Variants in ADAMTS19 observed in about 807,000 individuals in gnomAD.
ADAMTS19 encodes ADAM metallopeptidase with thrombospondin type 1 motif 19.
ADAMTS19 carries 93 observed loss-of-function variants against 153.3 expected under a neutral mutation model. The ratio of observed to expected loss-of-function variants is 0.61; its 90% CI spans 0.51 to 0.72. The LOEUF (loss-of-function observed/expected upper bound fraction) is 0.72. ADAMTS19 is among the 30% of genes least tolerant of loss of function. The pLI is 0.00. For missense variants in ADAMTS19, 1,482 were observed against 1,552.1 expected (o/e 0.95, Z 0.76); for synonymous variants, 600 against 556.6 (o/e 1.08, Z -1.10).
At chr5:129,551,005 T>A (rs143821812) in intron 6 of ADAMTS19, among the ~76,000 whole-genome samples, 155 of 151,836 alleles carry the variant, frequency 1.0e-3, no homozygotes, top group African/African-American at 3.6e-3. Context: ...TTAATTCATG[T>A]CCCTTGCACA....
chr5:129,569,854 T>C (rs1561576527), intron 7 of ADAMTS19, among the ~76,000 whole-genome samples: 1 of 151,906 alleles, frequency 6.6e-6, no homozygotes, highest in Non-Finnish European at 1.5e-5. Flanking sequence ...AATGTTCTTA[T>C]TATAAAAAAG....
chr5:129,609,374 A>T (rs1751086951), intron 8 of ADAMTS19, among the ~76,000 whole-genome samples: 3 of 152,244 alleles, frequency 2.0e-5, no homozygotes, highest in Admixed American at 2.0e-4. Flanking sequence ...TGGCACAATG[A>T]TTGGCACAAA....
chr5:129,464,234 G>T (rs538038048), intron 2 of ADAMTS19, among the ~76,000 whole-genome samples: 1 of 152,310 alleles, frequency 6.6e-6, no homozygotes, highest in Non-Finnish European at 1.5e-5. Flanking sequence ...CAAAAGCCTT[G>T]TCTGCAAGAA....
chr5:129,493,938 A>T (rs1415393655), intron 2 of ADAMTS19, among the ~76,000 whole-genome samples: 1 of 151,038 alleles, frequency 6.6e-6, no homozygotes, highest in African/African-American at 2.4e-5. Flanking sequence ...TAAGAATCAC[A>T]CCCTAGTTAC....
At chr5:129,558,596 A>T (rs1561570573) in intron 7 of ADAMTS19, among the ~76,000 whole-genome samples, 2 of 152,114 alleles carry the variant, frequency 1.3e-5, no homozygotes, top group Non-Finnish European at 2.9e-5. Context: ...TATTAATACA[A>T]TGCATTCCAT....
chr5:129,733,289 A>T (rs932778059), intron 21 of ADAMTS19, among the ~76,000 whole-genome samples: 1 of 152,088 alleles, frequency 6.6e-6, no homozygotes, highest in African/African-American at 2.4e-5. Flanking sequence ...ATGCAACAAA[A>T]ACAAAAAGGC....
chr5:129,479,330 T>G (rs148380627), intron 2 of ADAMTS19, among the ~76,000 whole-genome samples: 1 of 152,326 alleles, frequency 6.6e-6, no homozygotes, highest in African/African-American at 2.4e-5. Flanking sequence ...TGATTTGTAA[T>G]GTAATCTATC....
chr5:129,508,308 G>A (rs911915739), intron 2 of ADAMTS19, among the ~76,000 whole-genome samples: 2 of 151,894 alleles, frequency 1.3e-5, no homozygotes, highest in Admixed American at 1.3e-4. Context: ...TCAAGTCATA[G>A]CATGTTCTTT....
At chr5:129,735,935 T>C (rs1190477183) in intron 22 of ADAMTS19, among the ~76,000 whole-genome samples, 1 of 152,050 alleles carries the variant, frequency 6.6e-6, no homozygotes, top group East Asian at 1.9e-4. Flanking sequence ...ATTGGAATCA[T>C]ACAAAATAAT....
chr5:129,465,306 G>GTTTT (rs61242834), intron 2 of ADAMTS19, among the ~76,000 whole-genome samples: 24 of 126,020 alleles, frequency 1.9e-4, no homozygotes, highest in African/African-American at 4.6e-4. Context: ...TTAACACAAT[G>GTTTT]TTTTTTTTTT....
At chr5:129,734,423 G>C (rs1025746262) in intron 21 of ADAMTS19, among the ~76,000 whole-genome samples, 3 of 151,768 alleles carry the variant, frequency 2.0e-5, no homozygotes, top group Admixed American at 1.3e-4. Flanking sequence ...AACATATCTG[G>C]CTAAGACATC....
chr5:129,716,266 C>T (rs1407841802), intron 21 of ADAMTS19, among the ~76,000 whole-genome samples: 1 of 151,994 alleles, frequency 6.6e-6, no homozygotes, highest in African/African-American at 2.4e-5. Flanking sequence ...GGTGCAATCT[C>T]AGCTCACTGC....
At position 129,533,580 on chromosome 5, in the gene ADAMTS19, G is replaced by T. The variant is rs902582286; in HGVS notation, c.1328+4903G>T. The stretch of plus-strand genomic sequence containing the variant: ...CATTGATTTTTTGAAGGATTTTTTT[G>T]AGTCTCTATTTCCTTCAGTTCTGCT... On this transcript the variant is annotated intron_variant, in intron 6 of 22. Transcript: ENST00000274487. Among the ~76,000 whole-genome samples the T allele has an allele frequency of 2.6e-5, 4 of 151,914 alleles. No homozygotes were observed. The South Asian group carries it at 6.2e-4, about 24-fold the overall frequency.
intron 7 of ADAMTS19, 121 bp downstream of exon 7, chr5:129,552,028 C>A: frequency 1.7e-6 from 1 of 599,088 alleles, no homozygotes; most frequent in Non-Finnish European, 2.8e-6. Flanking sequence ...GTCAGACATA[C>A]ATATTTTCTA....
chr5:129,694,627 A>C (rs1755474515), intron 18 of ADAMTS19, 93 bp from the exon 19 acceptor site: 2 of 953,110 alleles, frequency 2.1e-6, no homozygotes, highest in Admixed American at 8.7e-5. Context: ...AGTTTTTTAA[A>C]TAAAAAATAA....
chr5:129,667,054 C>T (rs562246628), intron 16 of ADAMTS19, among the ~76,000 whole-genome samples: 6 of 152,282 alleles, frequency 3.9e-5, no homozygotes, highest in Non-Finnish European at 7.4e-5. Context: ...AGTCCTGTTT[C>T]CTGTCTCCCT....
At chr5:129,580,248 G>T (rs1402929760) in intron 7 of ADAMTS19, among the ~76,000 whole-genome samples, 1 of 152,056 alleles carries the variant, frequency 6.6e-6, no homozygotes, top group Non-Finnish European at 1.5e-5. Context: ...ATCTGTTATT[G>T]GTGTAGAGGA....
intron 10 of ADAMTS19, among the ~76,000 whole-genome samples, chr5:129,636,307 G>A (rs964924563): frequency 1.3e-5 from 2 of 152,180 alleles, no homozygotes; most frequent in Non-Finnish European, 2.9e-5. Context: ...CTACAAGAGG[G>A]TTGGTTTTTT....
chr5:129,518,243 C>G (rs1320867499), intron 3 of ADAMTS19, among the ~76,000 whole-genome samples: 6 of 152,064 alleles, frequency 3.9e-5, no homozygotes, highest in African/African-American at 1.2e-4. Context: ...ACCACAGTAA[C>G]AGTGTTATAA....
Sources: allele counts gnomAD v4.1 joint callset (sites outside exome capture counted in the v4.1 genomes callset), GRCh38; gene constraint gnomAD v4.1.1; transcripts MANE v1.5; gene names NCBI Gene and HGNC (gene_info 2026-07-23, HGNC 2026-07-21).